Variants in MYO9B observed in about 807,000 individuals in gnomAD.
MYO9B encodes unconventional myosin-IXb.
A neutral mutation model predicts 229.5 loss-of-function variants in MYO9B; 71 were observed. The observed-to-expected ratio is 0.31, with a 90% CI of 0.26 to 0.38. MYO9B has a LOEUF of 0.38. Ranked by LOEUF, MYO9B falls within the 10% of genes least tolerant of loss-of-function variation. The probability of loss-of-function intolerance (pLI) is 1.00; values close to 1 mark genes in which losing one functional copy is unlikely to be tolerated. For missense variants in MYO9B, 2,255 were observed against 2,920.5 expected (o/e 0.77, Z 5.25); for synonymous variants, 1,185 against 1,235.8 (o/e 0.96, Z 0.86).
chr19:17,199,788 C>A (rs567260031), intron 24 of MYO9B, among the ~76,000 whole-genome samples: 6 of 151,416 alleles, frequency 4.0e-5, no homozygotes, highest in Non-Finnish European at 8.8e-5. Flanking sequence ...AGCTGATCCA[C>A]CCACCTCAGC....
intron 23 of MYO9B, 121 bp from the exon 24 acceptor site, chr19:17,198,063 A>C: frequency 7.6e-6 from 2 of 261,642 alleles, no homozygotes; most frequent in East Asian, 1.4e-4. Flanking sequence ...ACTCCGTTTC[A>C]AAAAAAAAAA....
At chr19:17,196,735 G>A (rs1452783892) in intron 22 of MYO9B, among the ~76,000 whole-genome samples, 1 of 151,766 alleles carries the variant, frequency 6.6e-6, no homozygotes, top group African/African-American at 2.4e-5. Context: ...AGATGCCGAC[G>A]ATAGATGGAT....
chr19:17,173,023 G>A (rs2072743617), intron 13 of MYO9B, 60 bp downstream of exon 13: 1 of 1,562,650 alleles, frequency 6.4e-7, no homozygotes, highest in Non-Finnish European at 8.7e-7. Flanking sequence ...CACATCCTGA[G>A]TTCATCTTAA....
At chr19:17,119,490 C>T (rs895851987) in intron 2 of MYO9B, among the ~76,000 whole-genome samples, 2 of 152,072 alleles carry the variant, frequency 1.3e-5, no homozygotes, top group Admixed American at 6.5e-5. Context: ...GGAGCCTGGG[C>T]GGTCCTCCTA....
intron 13 of MYO9B, 54 bp downstream of exon 13, chr19:17,173,017 T>G: frequency 3.8e-6 from 6 of 1,570,480 alleles, no homozygotes; most frequent in Non-Finnish European, 5.2e-6. Context: ...GGGGGGCACA[T>G]CCTGAGTTCA....
rs2057476560 is a variant in MYO9B at position 17,075,865 on chromosome 19, C to T, written c.-68C>T. 1 of 150,834 alleles carries T rather than the reference C, an allele frequency of 6.6e-6. No homozygotes were observed. Among genetic ancestry groups the T allele is most frequent in the Admixed American group, 6.6e-5 (1 of 15,118 alleles). 9.3% of individuals were successfully genotyped at this position (150,834 alleles called of 1,614,324 possible). On this transcript the variant is annotated 5_prime_UTR_variant, in exon 1 of 40. Transcript: ENST00000682292. Reference sequence around the variant, plus strand: ...GCCCGGGACCGGCGGCGCGCGGCGGCCGAGGCCAGGTGAGTACCAGGCAGC... The same window carrying T: ...GCCCGGGACCGGCGGCGCGCGGCGGTCGAGGCCAGGTGAGTACCAGGCAGC...
intron 8 of MYO9B, 22 bp from the exon 9 acceptor site, chr19:17,162,328 G>A (rs746404202): frequency 3.9e-6 from 6 of 1,546,222 alleles, no homozygotes; most frequent in Non-Finnish European, 3.5e-6. Context: ...CCGGAGGTGA[G>A]TCACCCCCTC....
At chr19:17,129,377 G>A (rs1395274153) in intron 2 of MYO9B, among the ~76,000 whole-genome samples, 1 of 152,136 alleles carries the variant, frequency 6.6e-6, no homozygotes, top group Non-Finnish European at 1.5e-5. Flanking sequence ...ACTCCAGCTT[G>A]GGCGACAGAG....
At chr19:17,152,795 A>C (rs2072493396) in intron 4 of MYO9B, 89 bp downstream of exon 4, 5 of 1,202,956 alleles carry the variant, frequency 4.2e-6, no homozygotes, top group Non-Finnish European at 6.0e-6. Context: ...AAACGTCCTG[A>C]GGTCGGAGGA....
rs533747792 is a variant in MYO9B, at chr19:17,104,457, T to C, written c.840+1900T>C. ...AGAGGTGACCACACAGCACCCATCA[T>C]TGCAGGGATTGTAGGACAAGGTGCA... On this transcript the variant is annotated intron_variant, in intron 2 of 39. Transcript: ENST00000682292. 3.3e-5 allele frequency among the ~76,000 whole-genome samples: 5 copies of C among 152,324 alleles called. No homozygotes were observed. The East Asian group carries it at 5.8e-4, about 18-fold the overall frequency.
intron 22 of MYO9B, among the ~76,000 whole-genome samples, chr19:17,196,250 GTGA>G (rs1327231225): frequency 1.3e-5 from 2 of 151,556 alleles, no homozygotes; most frequent in African/African-American, 4.9e-5. Flanking sequence ...AATGATAGAG[GTGA>G]TGAATGGAAG....
At chr19:17,096,659 ATAGTTTGTTGTTG>A (rs2057691479) in intron 1 of MYO9B, among the ~76,000 whole-genome samples, 1 of 140,700 alleles carries the variant, frequency 7.1e-6, no homozygotes, top group African/African-American at 2.6e-5. Context: ...CCTCGTTCAG[ATAGTTTGTTGTTG>A]TTGTTGTTGT....
chr19:17,156,924 C>G lies in MYO9B; in HGVS notation c.1215C>G (p.Leu405=). 1 of 1,612,512 alleles carries G rather than the reference C, an allele frequency of 6.2e-7. No homozygotes were observed. Among genetic ancestry groups the G allele is most frequent in the East Asian group, 2.2e-5 (1 of 44,836 alleles). Residue 405 remains leucine (L), a synonymous_variant, in exon 7 of 40, where the codon CTC becomes CTG. Coordinates refer to ENST00000682292, the MANE Select transcript of MYO9B (RefSeq NM_004145.4). ...TCTTTCCCAGGATTTTTGCCGTCCT[C>G]TCGGCCATCCTGTACCTGGGCAACG... ...PATKKQIFAV[L]SAILYLGNVT...
At chr19:17,130,120 C>A (rs977932592) in intron 2 of MYO9B, among the ~76,000 whole-genome samples, 2 of 152,112 alleles carry the variant, frequency 1.3e-5, no homozygotes, top group African/African-American at 2.4e-5. Flanking sequence ...TGCCTGGCCT[C>A]CCTAAAATGT....
At chr19:17,173,089 T>A in intron 13 of MYO9B, 126 bp downstream of exon 13, 1 of 1,160,038 alleles carries the variant, frequency 8.6e-7, no homozygotes, top group Non-Finnish European at 1.2e-6. Flanking sequence ...ACGCCACCTG[T>A]CTACCTGAAG....
Position 17,172,553 on chromosome 19 carries a change from C to A in MYO9B, c.1935+76C>A. Reference sequence around the variant, plus strand: ...AGCCCAGAAGCCCATGTGGGAGGATCCTCCTGTGGGCGAGGTTCCAGGGTG... The same window carrying A: ...AGCCCAGAAGCCCATGTGGGAGGATACTCCTGTGGGCGAGGTTCCAGGGTG... On this transcript the variant is annotated intron_variant, in intron 12 of 39. Coordinates refer to ENST00000682292, the MANE Select transcript of MYO9B (RefSeq NM_004145.4). The surrounding 1 kb of genome is among the most constrained non-coding windows in gnomAD (Gnocchi z 8.2). The A allele has an allele frequency of 2.5e-6, 4 of 1,573,452 alleles. No homozygotes were observed. Among genetic ancestry groups the A allele is most frequent in the Non-Finnish European group, 2.6e-6 (3 of 1,158,584 alleles).
In MYO9B at chr19:17,101,769, C is replaced by G; in HGVS notation, c.52C>G (p.His18Asp). 6.2e-7 allele frequency: 1 copy of G among 1,600,448 alleles called. No homozygotes were observed. Among genetic ancestry groups the G allele is most frequent in the Non-Finnish European group, 8.5e-7 (1 of 1,177,562 alleles). Residue 18 changes from histidine to aspartate, a missense_variant, in exon 2 of 40, where the codon CAC (histidine) becomes GAC (aspartate). Physicochemically the swap from His to Asp is moderately conservative, Grantham distance 81 (BLOSUM62 -1). Transcript: ENST00000682292. This position sits in a 1 kb window ranked among gnomAD's most constrained non-coding sequence, Gnocchi z 4.7. ...GGGCCGCCGGGAGCAGGCGGCCTACCACCTGCACATCTACCCCCAGCTGTC... is the reference window on the plus strand; with the variant it reads ...GGGCCGCCGGGAGCAGGCGGCCTACGACCTGCACATCTACCCCCAGCTGTC... ...SSGRREQAAY[H>D]LHIYPQLSTT...
intron 14 of MYO9B, among the ~76,000 whole-genome samples, chr19:17,179,247 G>A (rs2072827356): frequency 6.6e-6 from 1 of 151,944 alleles, no homozygotes; most frequent in Admixed American, 6.6e-5. Flanking sequence ...TACCGCCCCG[G>A]TTGAGAACTG....
chr19:17,151,289 AG>A (rs67691258), intron 3 of MYO9B, among the ~76,000 whole-genome samples: 84,858 of 143,832 alleles, frequency 0.59, 25,616 homozygotes, highest in East Asian at 0.69. Context: ...AAAAAAAAAA[AG>A]AAAGAAAGAA....
Sources: allele counts gnomAD v4.1 joint callset (sites outside exome capture counted in the v4.1 genomes callset), GRCh38; gene constraint gnomAD v4.1.1; non-coding constraint Gnocchi (gnomAD v3.1); transcripts MANE v1.5; gene names NCBI Gene and HGNC (gene_info 2026-07-23, HGNC 2026-07-21).